The following GRAMD4 variants were observed in gnomAD, a reference collection of about 807,000 sequenced individuals.
GRAMD4 encodes GRAM domain containing 4, also known as GRAM domain-containing protein 4.
GRAMD4 carries 25 observed loss-of-function variants against 83.9 expected under a neutral mutation model. The ratio of observed to expected loss-of-function variants is 0.30; its 90% CI spans 0.22 to 0.42. GRAMD4 has a LOEUF of 0.42. Among genes scored for constraint, GRAMD4 ranks in the 10% least tolerant of loss-of-function variants. GRAMD4 has a pLI of 1.00. For missense variants in GRAMD4, 593 were observed against 788.7 expected (o/e 0.75, Z 2.97); for synonymous variants, 336 against 320.9 (o/e 1.05, Z -0.50).
In GRAMD4 at chr22:46,658,224, G is replaced by C. The variant is rs142065018; in HGVS notation, c.321G>C (p.Ala107=). Residue 107 remains alanine (A), a synonymous_variant, in exon 4 of 19, where the codon GCG becomes GCC. Coordinates refer to ENST00000406902, the MANE Select transcript of GRAMD4 (RefSeq NM_015124.5). ...GGAAGCTGCGAGAAGAAACCAACGC[G>C]GAGATGCTGCGGCAGGAGCTGGACC... ...ELRKLREETN[A]EMLRQELDRE... The C allele has an allele frequency of 6.2e-7, 1 of 1,613,610 alleles. No individual in the cohort carries two copies. Among genetic ancestry groups the C allele is most frequent in the African/African-American group, 1.3e-5 (1 of 74,922 alleles).
At chr22:46,607,922 T>C (rs2081381022) in intron 1 of GRAMD4, among the ~76,000 whole-genome samples, 1 of 152,146 alleles carries the variant, frequency 6.6e-6, no homozygotes, top group Non-Finnish European at 1.5e-5. Context: ...CTGAGCACCT[T>C]CCTGGGCTGG....
At position 46,665,630 on chromosome 22, in the gene GRAMD4, G is replaced by A. The variant is rs1201591636; in HGVS notation, c.733G>A (p.Val245Met). Residue 245 changes from valine to methionine, a missense_variant, in exon 9 of 19, where the codon GTG (valine) becomes ATG (methionine). Physicochemically the swap from Val to Met is conservative, Grantham distance 21. This residue lies in a region of GRAMD4 where 312 missense variants were observed against 350.7 expected (regional missense o/e 0.89). Transcript: ENST00000406902. ...AIAFTVYMNA[V>M]WHGWAIPLFL... is the part of the protein sequence containing the mutation. Reference sequence around the variant, plus strand: ...TCACCCGCAGGTGTACATGAATGCCGTGTGGCATGGCTGGGCCATCCCATT... The same window carrying A: ...TCACCCGCAGGTGTACATGAATGCCATGTGGCATGGCTGGGCCATCCCATT... 21 of 1,590,538 alleles carry A rather than the reference G, an allele frequency of 1.3e-5. No homozygotes were observed. Among genetic ancestry groups the A allele is most frequent in the Non-Finnish European group, 1.6e-5 (19 of 1,159,342 alleles).
chr22:46,607,841 C>T lies in GRAMD4; in HGVS notation c.-49-18910C>T, dbSNP rs552992890. On this transcript the variant is annotated intron_variant, in intron 1 of 1. Coordinates refer to the GRAMD4 transcript ENST00000431155. ...CCCTGCATGTGCTGCTCCCTCGTCC[C>T]GGAGTGCCCTTCCTCTGCAGCCTGC... 1.1e-3 allele frequency among the ~76,000 whole-genome samples: 172 copies of T among 152,332 alleles called. 4 individuals are homozygous for T. Among genetic ancestry groups the T allele is most frequent in the Admixed American group, 6.2e-3 (95 of 15,310 alleles).
In GRAMD4 at chr22:46,672,250, A is replaced by AT. The variant is rs2082519407; in HGVS notation, c.1085-591dup. ...GTGTTTAGTAGGGGGACTGACCATG[A>AT]TTGTGTCAGGTGACAGTATCGGGGA... On this transcript the variant is annotated intron_variant, in intron 13 of 18. Transcript: ENST00000406902. The surrounding 1 kb of genome is among the most constrained non-coding windows in gnomAD (Gnocchi z 4.7). Among the ~76,000 whole-genome samples, 1 of 152,066 alleles carries AT rather than the reference A, an allele frequency of 6.6e-6. No homozygotes were observed. The highest frequency in any genetic ancestry group is 1.5e-5 in the Non-Finnish European group (1 of 68,018).
intron 2 of GRAMD4, among the ~76,000 whole-genome samples, chr22:46,628,490 G>A (rs553437465): frequency 4.1e-5 from 4 of 97,056 alleles, no homozygotes; most frequent in East Asian, 4.9e-4. Flanking sequence ...GACTGAGTGC[G>A]TTGGTGTCTG....
At chr22:46,633,562 C>G (rs933890258) in intron 2 of GRAMD4, among the ~76,000 whole-genome samples, 9 of 152,346 alleles carry the variant, frequency 5.9e-5, no homozygotes, top group African/African-American at 1.9e-4. Flanking sequence ...ACTGGGGGCT[C>G]TGGCCGGCCC....
intron 5 of GRAMD4, among the ~76,000 whole-genome samples, chr22:46,662,198 G>A (rs1162749006): frequency 6.6e-6 from 1 of 152,216 alleles, no homozygotes; most frequent in African/African-American, 2.4e-5. Context: ...GCAGGAGCCT[G>A]CCCTGGCCCC....
At chr22:46,649,844 G>A (rs550319282) in intron 3 of GRAMD4, among the ~76,000 whole-genome samples, 4 of 152,350 alleles carry the variant, frequency 2.6e-5, no homozygotes, top group East Asian at 1.9e-4. Flanking sequence ...GGAGGGCCAC[G>A]GGAGGAAGGG....
At chr22:46,652,767 C>T (rs181820113) in intron 3 of GRAMD4, among the ~76,000 whole-genome samples, 13 of 152,342 alleles carry the variant, frequency 8.5e-5, no homozygotes, top group Admixed American at 2.0e-4. Context: ...AGGAATCTGC[C>T]GTGTGAATAG....
In GRAMD4 at chr22:46,600,051, G is replaced by C. The variant is rs138547; in HGVS notation, c.-50+22761G>C. On this transcript the variant is annotated intron_variant, in intron 1 of 1. Coordinates refer to the GRAMD4 transcript ENST00000431155. ...CTGGTTATTTGTCAAAGGGTCCTGC[G>C]GAGAGTGGAAGAGTCCTTTAGTCAT... 4.6e-5 allele frequency among the ~76,000 whole-genome samples: 7 copies of C among 152,068 alleles called. 1 individual carries two copies. Among genetic ancestry groups the C allele is most frequent in the African/African-American group, 1.7e-4 (7 of 41,458 alleles).
Position 46,666,808 on chromosome 22 carries a change from T to C in GRAMD4, c.810-17T>C, listed in dbSNP as rs2082416183. ...GGTGGCGCTGTCCTAAAGGTGTGTGTGTTTTCTGTTCGCCAGGGGGTGGCG... is the reference window on the plus strand; with the variant it reads ...GGTGGCGCTGTCCTAAAGGTGTGTGCGTTTTCTGTTCGCCAGGGGGTGGCG... On this transcript the variant is annotated splice_polypyrimidine_tract_variant and intron_variant, in intron 9 of 18. Coordinates refer to ENST00000406902, the MANE Select transcript of GRAMD4 (RefSeq NM_015124.5). 6.8e-6 allele frequency: 11 copies of C among 1,608,312 alleles called. No individual in the cohort carries two copies. Among genetic ancestry groups the C allele is most frequent in the Non-Finnish European group, 9.4e-6 (11 of 1,175,926 alleles).
intron 1 of GRAMD4, among the ~76,000 whole-genome samples, chr22:46,623,709 A>G (rs2081611761): frequency 6.6e-6 from 1 of 151,088 alleles, no homozygotes. Context: ...TTTCCTTTCT[A>G]GTGAGCTTGA....
Position 46,608,660 on chromosome 22 carries a change from CAA to C in GRAMD4, c.-49-18090_-49-18089del, listed in dbSNP as rs925465476. Among the ~76,000 whole-genome samples the C allele has an allele frequency of 3.9e-5, 6 of 152,232 alleles. No homozygotes were observed. In the East Asian group the frequency reaches 9.7e-4, roughly 25 times the overall value. The stretch of plus-strand genomic sequence containing the variant: ...CATTACTGTACTACAGCCTGGGCGA[CAA>C]GAGCGAAATTCCGTATCAAAATGTG... On this transcript the variant is annotated intron_variant, in intron 1 of 1. Transcript: ENST00000431155.
chr22:46,592,267 A>C (rs1313201217), intron 1 of GRAMD4, among the ~76,000 whole-genome samples: 1 of 152,162 alleles, frequency 6.6e-6, no homozygotes, highest in East Asian at 1.9e-4. Flanking sequence ...GGTTCTTTTA[A>C]GTTGGGCAAG....
At position 46,678,520 on chromosome 22, in the gene GRAMD4, C is replaced by T. The variant is rs955874145; in HGVS notation, c.*1269C>T. ...GCGCTGGGCTGAAGGGAGGGAAAGG[C>T]GGCTTGGGCCTCCTGGAAGGAGGTG... is the stretch of plus-strand genomic sequence containing the variant. On this transcript the variant is annotated 3_prime_UTR_variant, in exon 19 of 19. Transcript: ENST00000406902. 20 of 985,238 alleles carry T rather than the reference C, an allele frequency of 2.0e-5. No homozygotes were observed. The highest frequency in any genetic ancestry group is 1.9e-4 in the African/African-American group (11 of 57,214). The allele number at this position is 985,238 out of a possible 1,614,324, so 61.0% of individuals were successfully genotyped here.
intron 5 of GRAMD4, among the ~76,000 whole-genome samples, chr22:46,661,930 C>T (rs916168297): frequency 6.6e-6 from 1 of 152,208 alleles, no homozygotes; most frequent in Non-Finnish European, 1.5e-5. Flanking sequence ...TTTATCTTGC[C>T]CCACGCCCTG....
intron 3 of GRAMD4, among the ~76,000 whole-genome samples, chr22:46,651,418 G>C (rs1342708898): frequency 6.6e-6 from 1 of 152,240 alleles, no homozygotes; most frequent in Non-Finnish European, 1.5e-5. Flanking sequence ...TGGCTTCTCT[G>C]CTGCTGCAGG....
chr22:46,635,824 G>C (rs997140506), intron 2 of GRAMD4, among the ~76,000 whole-genome samples: 1 of 137,906 alleles, frequency 7.3e-6, no homozygotes, highest in African/African-American at 2.8e-5. Flanking sequence ...GGATGACTCT[G>C]GAGCAGGTCC....
chr22:46,633,198 G>A (rs1414064493), intron 2 of GRAMD4, among the ~76,000 whole-genome samples: 13 of 152,150 alleles, frequency 8.5e-5, no homozygotes, highest in Admixed American at 7.9e-4. Flanking sequence ...GAAGCCAGGG[G>A]GCCCCCAGCT....
Sources: allele counts gnomAD v4.1 joint callset (sites outside exome capture counted in the v4.1 genomes callset), GRCh38; gene constraint gnomAD v4.1.1; regional missense constraint gnomAD v4.1.1; non-coding constraint Gnocchi (gnomAD v3.1); transcripts MANE v1.5; gene names NCBI Gene and HGNC (gene_info 2026-07-23, HGNC 2026-07-21).